Variants in TRAPPC9 observed in about 807,000 individuals in gnomAD.
The protein encoded by TRAPPC9 is trafficking protein particle complex subunit 9, also known as IKK2 binding protein.
In TRAPPC9, 83 loss-of-function variants were observed where a neutral mutation model predicts 124.0. The observed-to-expected ratio is 0.67, with a 90% CI of 0.56 to 0.80. TRAPPC9 has a LOEUF of 0.80. TRAPPC9 is among the 30% of genes least tolerant of loss of function. The pLI, the probability that TRAPPC9 is intolerant of heterozygous loss-of-function variation, is 0.00. For missense variants in TRAPPC9, 1,302 were observed against 1,508.3 expected (o/e 0.86, Z 2.27); for synonymous variants, 638 against 617.5 (o/e 1.03, Z -0.49).
At chr8:140,330,962 A>T (rs1413406882) in intron 9 of TRAPPC9, among the ~76,000 whole-genome samples, 1 of 152,126 alleles carries the variant, frequency 6.6e-6, no homozygotes, top group Non-Finnish European at 1.5e-5. Context: ...GAAATAGAAA[A>T]ACAAATCCTA....
chr8:139,736,165 T>C (rs1818153002), intron 21 of TRAPPC9, among the ~76,000 whole-genome samples: 1 of 152,210 alleles, frequency 6.6e-6, no homozygotes, highest in Non-Finnish European at 1.5e-5. Context: ...CAGGCTCTCC[T>C]GTGTGGCCAG....
At chr8:140,445,159 A>T (rs1053619207) in intron 2 of TRAPPC9, among the ~76,000 whole-genome samples, 1 of 152,074 alleles carries the variant, frequency 6.6e-6, no homozygotes, top group Non-Finnish European at 1.5e-5. Context: ...AGTTTCCCCC[A>T]TGGTAAGAAA....
At chr8:139,887,030 G>C (rs1470437080) in intron 20 of TRAPPC9, among the ~76,000 whole-genome samples, 2 of 152,090 alleles carry the variant, frequency 1.3e-5, no homozygotes, top group Non-Finnish European at 2.9e-5. Flanking sequence ...GTGCTCAGCA[G>C]AGCGGGCATA....
intron 17 of TRAPPC9, among the ~76,000 whole-genome samples, chr8:140,121,230 T>C (rs2060980817): frequency 1.3e-5 from 2 of 152,120 alleles, no homozygotes; most frequent in South Asian, 2.1e-4. Context: ...AAAGGAGATT[T>C]TTAGGGAGAG....
intron 17 of TRAPPC9, among the ~76,000 whole-genome samples, chr8:140,112,203 G>C (rs1476320657): frequency 1.3e-5 from 2 of 152,188 alleles, no homozygotes; most frequent in Non-Finnish European, 2.9e-5. Context: ...GAGAATTCCA[G>C]ACGATGGTGG....
chr8:140,319,413 C>T (rs560543633), intron 9 of TRAPPC9, among the ~76,000 whole-genome samples: 1 of 152,026 alleles, frequency 6.6e-6, no homozygotes, highest in African/African-American at 2.4e-5. Context: ...TCCTAACCTC[C>T]TGATCCGCCC....
At chr8:140,042,209 G>A (rs62527035) in intron 17 of TRAPPC9, among the ~76,000 whole-genome samples, 2 of 19,470 alleles carry the variant, frequency 1.0e-4, no homozygotes, top group Non-Finnish European at 2.7e-4. Context: ...AAGTGTATGT[G>A]TGTGTGTGTG....
At chr8:140,316,737 T>A (rs1344965076) in intron 9 of TRAPPC9, among the ~76,000 whole-genome samples, 1 of 152,202 alleles carries the variant, frequency 6.6e-6, no homozygotes, top group Admixed American at 6.5e-5. Flanking sequence ...TGTCTTTCTC[T>A]GGTTTTAGTA....
intron 9 of TRAPPC9, among the ~76,000 whole-genome samples, chr8:140,321,174 C>T (rs763968028): frequency 6.6e-6 from 1 of 152,224 alleles, no homozygotes; most frequent in Non-Finnish European, 1.5e-5. Context: ...CCACTGCCTG[C>T]GGCAGAGAAG....
chr8:139,926,646 G>A (rs1488019273), intron 19 of TRAPPC9, among the ~76,000 whole-genome samples: 3 of 151,318 alleles, frequency 2.0e-5, no homozygotes, highest in African/African-American at 4.9e-5. Flanking sequence ...TTGAACCTGG[G>A]AGGCGGAGGT....
chr8:140,287,531 G>C, intron 13 of TRAPPC9, 77 bp downstream of exon 13: 1 of 1,580,192 alleles, frequency 6.3e-7, no homozygotes, highest in South Asian at 1.1e-5. Context: ...ACGGGCGATC[G>C]GCTCTGGACC....
At chr8:139,890,873 A>T (rs1830297447) in intron 20 of TRAPPC9, among the ~76,000 whole-genome samples, 1 of 148,102 alleles carries the variant, frequency 6.8e-6, no homozygotes, top group African/African-American at 2.5e-5. Flanking sequence ...TAAAAATTTA[A>T]AAAAAAAAAA....
rs995682123 is a variant in TRAPPC9, at chr8:139,799,688, C to T, written c.3056-67486G>A. On this transcript the variant is annotated intron_variant, in intron 21 of 22. Transcript: ENST00000438773. ...ACACTCAGTCCGTGGGCAAGGAGCA[C>T]GGAAGAGCTCCCATGAGCTCTTAGA... 3.9e-5 allele frequency among the ~76,000 whole-genome samples: 6 copies of T among 152,340 alleles called. No individual in the cohort carries two copies. In the East Asian group the frequency reaches 9.6e-4, roughly 24 times the overall value.
At chr8:140,339,900 T>C (rs768177612) in intron 9 of TRAPPC9, among the ~76,000 whole-genome samples, 15 of 152,180 alleles carry the variant, frequency 9.9e-5, no homozygotes, top group Non-Finnish European at 1.5e-5. Flanking sequence ...TAGAGTGCAG[T>C]GGTGCAATCT....
intron 20 of TRAPPC9, among the ~76,000 whole-genome samples, chr8:139,892,570 G>A (rs770063357): frequency 5.3e-5 from 8 of 152,160 alleles, no homozygotes; most frequent in East Asian, 1.9e-4. Flanking sequence ...TGCCAGTCAC[G>A]GGTAACACGC....
chr8:140,089,159 C>T (rs529984470), intron 17 of TRAPPC9, among the ~76,000 whole-genome samples: 7 of 152,336 alleles, frequency 4.6e-5, no homozygotes, highest in East Asian at 1.9e-4. Flanking sequence ...AGTTTCTCCT[C>T]GAAGCCCCTC....
intron 19 of TRAPPC9, among the ~76,000 whole-genome samples, chr8:139,948,251 AC>A: frequency 3.1e-4 from 1 of 3,190 alleles, no homozygotes; most frequent in Non-Finnish European, 1.5e-3. Context: ...TTCATAAAAC[AC>A]ACACACACAC....
At chr8:140,447,462 G>T (rs2071307579) in intron 2 of TRAPPC9, among the ~76,000 whole-genome samples, 1 of 151,436 alleles carries the variant, frequency 6.6e-6, no homozygotes, top group African/African-American at 2.4e-5. Context: ...ACACTCACAG[G>T]GCAGTATGAC....
intron 6 of TRAPPC9, among the ~76,000 whole-genome samples, chr8:140,402,260 C>T (rs1246207199): frequency 1.3e-5 from 2 of 151,724 alleles, no homozygotes; most frequent in Non-Finnish European, 2.9e-5. Flanking sequence ...GTTACAGCTA[C>T]TTGGTCATCT....
Sources: gnomAD v4.1 joint callset for allele counts (sites outside exome capture counted in the v4.1 genomes callset) on GRCh38, gnomAD v4.1.1 for gene constraint, MANE v1.5 for transcripts, NCBI Gene and HGNC (gene_info 2026-07-23, HGNC 2026-07-21) for gene names.